BMP6: variants seen among roughly 807,000 people sequenced by gnomAD.
BMP6 encodes VG-1-R.
Under a neutral mutation model 54.1 loss-of-function variants are expected in BMP6, and 17 were observed. The observed-to-expected ratio is 0.31, with a 90% CI of 0.22 to 0.47. BMP6 has a LOEUF of 0.47. Ranked by LOEUF, BMP6 falls within the 20% of genes least tolerant of loss-of-function variation. BMP6 has a pLI of 1.00. For missense variants in BMP6, 720 were observed against 690.4 expected (o/e 1.04, Z -0.48); for synonymous variants, 328 against 291.2 (o/e 1.13, Z -1.28).
At chr6:7,799,005 C>G (rs1758232284) in intron 1 of BMP6, among the ~76,000 whole-genome samples, 1 of 152,240 alleles carries the variant, frequency 6.6e-6, no homozygotes, top group South Asian at 2.1e-4. Flanking sequence ...ACCTCACTCA[C>G]TTTCTCTCAC....
chr6:7,773,057 C>T (rs988823390), intron 1 of BMP6, among the ~76,000 whole-genome samples: 27 of 152,144 alleles, frequency 1.8e-4, no homozygotes, highest in African/African-American at 6.3e-4. Context: ...TCCAAGGGCC[C>T]TATGTGCCAT....
chr6:7,843,374 T>G (rs948881980), intron 1 of BMP6, among the ~76,000 whole-genome samples: 1 of 151,904 alleles, frequency 6.6e-6, no homozygotes, highest in African/African-American at 2.4e-5. Flanking sequence ...TTAACTTAGC[T>G]TCTGCAAATG....
chr6:7,736,184 G>A (rs199205), intron 1 of BMP6, among the ~76,000 whole-genome samples: 1 of 152,078 alleles, frequency 6.6e-6, no homozygotes. Flanking sequence ...CGCATAGTTT[G>A]ACTGAGGTGT....
chr6:7,798,641 C>T (rs576788342), intron 1 of BMP6, among the ~76,000 whole-genome samples: 11 of 152,330 alleles, frequency 7.2e-5, no homozygotes, highest in African/African-American at 2.6e-4. Flanking sequence ...TCAGATGTTC[C>T]TTCCACACTC....
At chr6:7,800,085 T>G (rs1330160034) in intron 1 of BMP6, among the ~76,000 whole-genome samples, 1 of 91,772 alleles carries the variant, frequency 1.1e-5, no homozygotes, top group African/African-American at 6.3e-5. Context: ...AAGGGGTGTG[T>G]GTGTGTGTGT....
intron 4 of BMP6, among the ~76,000 whole-genome samples, chr6:7,865,245 G>A (rs1393353127): frequency 6.6e-6 from 1 of 152,064 alleles, no homozygotes; most frequent in African/African-American, 2.4e-5. Context: ...AGTAATAGGT[G>A]CAAATATCTC....
chr6:7,838,212 G>A (rs922076267), intron 1 of BMP6, among the ~76,000 whole-genome samples: 1 of 151,926 alleles, frequency 6.6e-6, no homozygotes, highest in Non-Finnish European at 1.5e-5. Context: ...TGTTGTATTT[G>A]TTTTATTATC....
rs753213511 is a variant in BMP6, at chr6:7,727,513, C to T, written c.558C>T (p.Ser186=). 1.4e-5 allele frequency: 23 copies of T among 1,595,930 alleles called. No individual in the cohort carries two copies. The South Asian group carries it at 1.9e-4, about 13-fold the overall frequency. ...CCGCGCACCCGCTCAACCGCAAGAG[C>T]CTTCTGGCCCCCGGATCTGGCAGCG... ...PGAAHPLNRK[S]LLAPGSGSGG... Residue 186 remains serine (S), a synonymous_variant, in exon 1 of 7, where the codon AGC becomes AGT. Transcript: ENST00000283147.
chr6:7,784,075 T>C (rs979106550), intron 1 of BMP6, among the ~76,000 whole-genome samples: 1 of 152,250 alleles, frequency 6.6e-6, no homozygotes, highest in Non-Finnish European at 1.5e-5. Flanking sequence ...TAAAATCATC[T>C]AAATGAATCT....
chr6:7,733,495 T>G (rs1240137103), intron 1 of BMP6, among the ~76,000 whole-genome samples: 1 of 152,102 alleles, frequency 6.6e-6, no homozygotes, highest in African/African-American at 2.4e-5. Context: ...TGTTACACAT[T>G]AACCATCCTG....
At chr6:7,774,379 G>A (rs897836488) in intron 1 of BMP6, among the ~76,000 whole-genome samples, 4 of 152,172 alleles carry the variant, frequency 2.6e-5, no homozygotes, top group South Asian at 2.1e-4. Context: ...TCGAAGCCCC[G>A]TCTCTACTAA....
chr6:7,844,326 T>G (rs1445970325), intron 1 of BMP6, among the ~76,000 whole-genome samples: 3 of 146,738 alleles, frequency 2.0e-5, no homozygotes, highest in African/African-American at 5.1e-5. Context: ...ACCTTTTAGA[T>G]TCTATCCTTT....
intron 1 of BMP6, among the ~76,000 whole-genome samples, chr6:7,791,940 A>G (rs951021342): frequency 3.9e-5 from 6 of 152,158 alleles, no homozygotes; most frequent in Admixed American, 1.3e-4. Flanking sequence ...CCTTGACCTC[A>G]TAAGAACAGG....
At chr6:7,728,711 C>T (rs770513522) in intron 1 of BMP6, among the ~76,000 whole-genome samples, 15 of 152,150 alleles carry the variant, frequency 9.9e-5, no homozygotes, top group Non-Finnish European at 1.8e-4. Flanking sequence ...GTTGCAGCTG[C>T]GCGGCGGGGT....
chr6:7,847,998 G>T (rs1364180028), intron 2 of BMP6, among the ~76,000 whole-genome samples: 1 of 152,172 alleles, frequency 6.6e-6, no homozygotes, highest in Non-Finnish European at 1.5e-5. Flanking sequence ...ACCTAATAGG[G>T]AAACAGTTTT....
At chr6:7,785,500 G>C (rs114481272) in intron 1 of BMP6, among the ~76,000 whole-genome samples, 1 of 152,192 alleles carries the variant, frequency 6.6e-6, no homozygotes, top group Admixed American at 6.5e-5. Flanking sequence ...ATGAGAAACT[G>C]GGAAAGGCGT....
chr6:7,772,092 A>G (rs1349860483), intron 1 of BMP6, among the ~76,000 whole-genome samples: 1 of 151,962 alleles, frequency 6.6e-6, no homozygotes, highest in Admixed American at 6.6e-5. Context: ...CAAACCCAAA[A>G]AAACCCTTTT....
chr6:7,873,584 G>A (rs1320273880), intron 4 of BMP6, among the ~76,000 whole-genome samples: 1 of 152,114 alleles, frequency 6.6e-6, no homozygotes. Context: ...CAGCCCCCCA[G>A]AGGCCAGGCT....
intron 1 of BMP6, among the ~76,000 whole-genome samples, chr6:7,752,482 T>A (rs1316358425): frequency 1.3e-5 from 2 of 152,050 alleles, no homozygotes; most frequent in African/African-American, 2.4e-5. Flanking sequence ...TTTAAAGTCC[T>A]AGTAGAAATG....
Sources: allele counts gnomAD v4.1 joint callset (sites outside exome capture counted in the v4.1 genomes callset), GRCh38; gene constraint gnomAD v4.1.1; transcripts MANE v1.5; gene names NCBI Gene and HGNC (gene_info 2026-07-23, HGNC 2026-07-21).